ADCY8: variants seen among roughly 807,000 people sequenced by gnomAD.
ADCY8 encodes the protein adenylate cyclase 8, also known as adenylate cyclase type 8.
A neutral mutation model predicts 119.7 loss-of-function variants in ADCY8; 51 were observed. The observed-to-expected ratio is 0.43, with a 90% CI of 0.34 to 0.54. The LOEUF is 0.54. Ranked by LOEUF, ADCY8 falls within the 20% of genes least tolerant of loss-of-function variation. The pLI is 0.03. For synonymous variants in ADCY8, 665 were observed against 651.0 expected, an observed-to-expected ratio of 1.02 and a Z score of -0.33; for missense variants, 1,383 against 1,598.8, an observed-to-expected ratio of 0.87 and a Z score of 2.30.
intron 1 of ADCY8, among the ~76,000 whole-genome samples, chr8:131,014,421 G>A (rs1823405201): frequency 6.6e-6 from 1 of 152,114 alleles, no homozygotes; most frequent in Non-Finnish European, 1.5e-5. Context: ...AGCCCATGGT[G>A]ATTCATACCT....
At chr8:130,785,242 G>T in intron 16 of ADCY8, 141 bp downstream of exon 16, 1 of 497,080 alleles carries the variant, frequency 2.0e-6, no homozygotes, top group Non-Finnish European at 3.4e-6. Context: ...TCCACATCAC[G>T]TAACTATTAT....
At chr8:131,010,600 G>C (rs1017175369) in intron 1 of ADCY8, among the ~76,000 whole-genome samples, 19 of 152,198 alleles carry the variant, frequency 1.2e-4, no homozygotes, top group African/African-American at 4.6e-4. Flanking sequence ...AAGCAAAAGG[G>C]AGAGGAAAGG....
intron 2 of ADCY8, among the ~76,000 whole-genome samples, chr8:130,957,239 T>C (rs1821456863): frequency 1.3e-5 from 2 of 152,172 alleles, no homozygotes; most frequent in African/African-American, 4.8e-5. Context: ...ATCAGGAACT[T>C]GTTGGGAACT....
At chr8:131,032,874 T>C (rs890885242) in intron 1 of ADCY8, among the ~76,000 whole-genome samples, 11 of 152,124 alleles carry the variant, frequency 7.2e-5, no homozygotes, top group African/African-American at 2.4e-4. Flanking sequence ...CTCGACTAAG[T>C]CCCCACAAAA....
intron 8 of ADCY8, among the ~76,000 whole-genome samples, chr8:130,869,091 C>A (rs999428879): frequency 6.6e-6 from 1 of 152,140 alleles, no homozygotes. Flanking sequence ...TGGAGAATAT[C>A]CTGTAGTTGT....
intron 1 of ADCY8, among the ~76,000 whole-genome samples, chr8:131,021,767 T>C (rs1441450331): frequency 1.3e-5 from 2 of 152,184 alleles, no homozygotes; most frequent in Admixed American, 6.5e-5. Context: ...CCTTCTGCTA[T>C]GCTTGTAAGT....
At chr8:130,823,969 A>G (rs568746750) in intron 12 of ADCY8, among the ~76,000 whole-genome samples, 56 of 152,328 alleles carry the variant, frequency 3.7e-4, no homozygotes, top group African/African-American at 2.9e-4. Flanking sequence ...ATTCTAGTTC[A>G]TATTATGTGC....
At chr8:131,008,750 G>C (rs1010964821) in intron 1 of ADCY8, among the ~76,000 whole-genome samples, 1 of 152,188 alleles carries the variant, frequency 6.6e-6, no homozygotes, top group African/African-American at 2.4e-5. Flanking sequence ...ATGTGGAAAA[G>C]TTTGGAACTT....
intron 8 of ADCY8, among the ~76,000 whole-genome samples, chr8:130,882,029 C>A (rs1818792925): frequency 6.6e-6 from 1 of 151,872 alleles, no homozygotes; most frequent in Non-Finnish European, 1.5e-5. Context: ...GCCCCTCAGC[C>A]CCCCATATCC....
chr8:130,790,761 G>T (rs1449455811), intron 15 of ADCY8, among the ~76,000 whole-genome samples: 1 of 152,168 alleles, frequency 6.6e-6, no homozygotes, highest in Admixed American at 6.5e-5. Flanking sequence ...CTGAATGAGA[G>T]ATCCTTCCTC....
At chr8:130,868,631 T>C (rs1243669150) in intron 8 of ADCY8, among the ~76,000 whole-genome samples, 3 of 152,196 alleles carry the variant, frequency 2.0e-5, no homozygotes, top group African/African-American at 7.2e-5. Context: ...CTGCCTACTC[T>C]CTTGAACTAT....
chr8:130,857,187 C>G (rs146410141), intron 9 of ADCY8, among the ~76,000 whole-genome samples: 4 of 151,048 alleles, frequency 2.6e-5, no homozygotes, highest in Non-Finnish European at 3.0e-5. Flanking sequence ...CACATGTATA[C>G]ACATGTTACT....
chr8:130,784,189 T>G (rs1051494551), intron 16 of ADCY8, among the ~76,000 whole-genome samples: 1 of 151,924 alleles, frequency 6.6e-6, no homozygotes, highest in African/African-American at 2.4e-5. Context: ...GGTATGGGTA[T>G]GTGTGTGGGT....
At chr8:130,904,772 A>T (rs1229944863) in intron 6 of ADCY8, among the ~76,000 whole-genome samples, 1 of 152,214 alleles carries the variant, frequency 6.6e-6, no homozygotes, top group Non-Finnish European at 1.5e-5. Context: ...TTTTTTAGCA[A>T]AATAACATAT....
chr8:130,808,183 T>C (rs1325367848), intron 14 of ADCY8, among the ~76,000 whole-genome samples: 1 of 152,124 alleles, frequency 6.6e-6, no homozygotes. Flanking sequence ...CTTCACTGTC[T>C]TGTCTTCCCA....
chr8:130,832,977 T>A (rs1053371598), intron 12 of ADCY8, among the ~76,000 whole-genome samples: 1 of 152,268 alleles, frequency 6.6e-6, no homozygotes, highest in African/African-American at 2.4e-5. Context: ...ATGTTGTGTC[T>A]GCCTTTAATT....
chr8:130,909,567 G>T, intron 6 of ADCY8, 141 bp downstream of exon 6: 2 of 989,910 alleles, frequency 2.0e-6, no homozygotes, highest in Non-Finnish European at 3.1e-6. Flanking sequence ...GCTAATAGTT[G>T]TATGATGTTT....
intron 7 of ADCY8, among the ~76,000 whole-genome samples, chr8:130,898,509 G>T (rs1194089940): frequency 3.9e-5 from 6 of 152,042 alleles, no homozygotes; most frequent in Non-Finnish European, 7.4e-5. Flanking sequence ...GCATAGAAAT[G>T]ACTAAAACAT....
chr8:130,954,867 G>A (rs896949839), intron 2 of ADCY8, among the ~76,000 whole-genome samples: 2 of 152,196 alleles, frequency 1.3e-5, no homozygotes, highest in Non-Finnish European at 2.9e-5. Context: ...AAGGCAGCAC[G>A]TGGGATATTC....
Sources: gnomAD v4.1 joint callset for allele counts (sites outside exome capture counted in the v4.1 genomes callset) on GRCh38, gnomAD v4.1.1 for gene constraint, MANE v1.5 for transcripts, NCBI Gene and HGNC (gene_info 2026-07-23, HGNC 2026-07-21) for gene names.